The following PTPRN2 variants were observed in gnomAD, a reference collection of about 807,000 sequenced individuals.
PTPRN2 encodes the protein protein tyrosine phosphatase receptor type N2.
A neutral mutation model predicts 118.8 loss-of-function variants in PTPRN2; 74 were observed. The observed-to-expected ratio is 0.62, with a 90% CI of 0.52 to 0.76. The LOEUF is 0.76. Among genes scored for constraint, PTPRN2 ranks in the 30% least tolerant of loss-of-function variants. The pLI, the probability that PTPRN2 is intolerant of heterozygous loss-of-function variation, is 0.00. For missense variants in PTPRN2, 1,481 were observed against 1,394.4 expected, an observed-to-expected ratio of 1.06 and a Z score of -0.99; for synonymous variants, 641 against 608.0, an observed-to-expected ratio of 1.05 and a Z score of -0.80.
chr7:157,829,925 A>G (rs1157192184), intron 12 of PTPRN2, among the ~76,000 whole-genome samples: 1 of 152,176 alleles, frequency 6.6e-6, no homozygotes, highest in Non-Finnish European at 1.5e-5. Context: ...CTGCAGTGGC[A>G]GCTCCACCTG....
In PTPRN2 at chr7:158,319,539, CCTCCCTCACACACACACGGT is replaced by C. The variant is rs1563131821; in HGVS notation, c.164-2627_164-2608del. Among the ~76,000 whole-genome samples, 852 of 90,502 alleles carry C rather than the reference CCTCCCTCACACACACACGGT, an allele frequency of 9.4e-3. 11 individuals are homozygous for C. The highest frequency in any genetic ancestry group is 0.014 in the South Asian group (37 of 2,692). The allele number at this position is 90,502 out of a possible 152,430, so 59.4% of individuals were successfully genotyped here. A position where few individuals can be genotyped will look rare whatever the true frequency, so the allele number is the denominator to read the frequency against. On this transcript the variant is annotated intron_variant, in intron 2 of 22. Coordinates refer to ENST00000389418, the MANE Select transcript of PTPRN2 (RefSeq NM_002847.5). ...CACACAGCCTCCCTCACACACACAG[CCTCCCTCACACACACACGGT>C]CTCCCTCACACACGCACACAGCCTC... is the stretch of plus-strand genomic sequence containing the variant.
In PTPRN2 at chr7:158,376,075, C is replaced by A. The variant is rs111693718; in HGVS notation, c.164-59143G>T. ...ACTGCTAAAAGAGCACTGTAGCACA[C>A]CCACCGCGGCTTTGGGAGTCACAGA... is the stretch of plus-strand genomic sequence containing the variant. On this transcript the variant is annotated intron_variant, in intron 2 of 22. Transcript: ENST00000389418. Among the ~76,000 whole-genome samples the A allele has an allele frequency of 4.6e-5, 7 of 152,190 alleles. 1 individual carries two copies. The highest frequency in any genetic ancestry group is 3.3e-4 in the Admixed American group (5 of 15,282).
At chr7:157,589,281 C>G (rs965878784) in intron 17 of PTPRN2, among the ~76,000 whole-genome samples, 1 of 152,254 alleles carries the variant, frequency 6.6e-6, no homozygotes, top group African/African-American at 2.4e-5. Context: ...AGTGCCTGCC[C>G]AGGGCCTGGC....
At chr7:158,400,341 G>A (rs1160415760) in intron 2 of PTPRN2, among the ~76,000 whole-genome samples, 4 of 152,094 alleles carry the variant, frequency 2.6e-5, no homozygotes, top group African/African-American at 9.7e-5. Context: ...CCCACACTCA[G>A]GCTGGAGCAG....
chr7:158,428,390 G>T (rs1241840474), intron 2 of PTPRN2, among the ~76,000 whole-genome samples: 1 of 152,150 alleles, frequency 6.6e-6, no homozygotes, highest in East Asian at 1.9e-4. Flanking sequence ...TCACCGGGTT[G>T]TCCTTTTAAA....
At chr7:158,087,928 C>A (rs200594291) in intron 10 of PTPRN2, among the ~76,000 whole-genome samples, 17 of 98,086 alleles carry the variant, frequency 1.7e-4, no homozygotes, top group Non-Finnish European at 3.1e-4. Context: ...TCCTTCTTCC[C>A]CTGATGAAAG....
intron 12 of PTPRN2, among the ~76,000 whole-genome samples, chr7:157,852,049 A>G (rs769919046): frequency 2.0e-5 from 3 of 152,196 alleles, no homozygotes; most frequent in Non-Finnish European, 4.4e-5. Context: ...CGACACCTTC[A>G]CGTTATCAGC....
At chr7:157,565,050 T>A (rs1799415270) in intron 21 of PTPRN2, among the ~76,000 whole-genome samples, 1 of 152,210 alleles carries the variant, frequency 6.6e-6, no homozygotes, top group Non-Finnish European at 1.5e-5. Flanking sequence ...CATATAACAG[T>A]CACGGAAGCG....
intron 12 of PTPRN2, among the ~76,000 whole-genome samples, chr7:157,830,676 T>C (rs756658019): frequency 7.2e-5 from 11 of 152,170 alleles, no homozygotes; most frequent in Admixed American, 1.3e-4. Context: ...CCACAGGATA[T>C]CCCACAGGAC....
At chr7:157,695,259 T>C (rs536196607) in intron 12 of PTPRN2, among the ~76,000 whole-genome samples, 2 of 152,172 alleles carry the variant, frequency 1.3e-5, no homozygotes, top group South Asian at 4.2e-4. Context: ...ATGATTATTA[T>C]AAAGCAAAAC....
chr7:157,932,734 G>GACT (rs1799435929), intron 11 of PTPRN2, among the ~76,000 whole-genome samples: 1 of 137,444 alleles, frequency 7.3e-6, no homozygotes. Context: ...TGAGTCACTC[G>GACT]GACAGTTTTA....
intron 6 of PTPRN2, among the ~76,000 whole-genome samples, chr7:158,153,665 G>A (rs1322460688): frequency 1.3e-5 from 2 of 152,220 alleles, no homozygotes; most frequent in Non-Finnish European, 2.9e-5. Context: ...CAGATATGCA[G>A]GGTCTTGCAG....
chr7:158,133,568 G>A (rs1818549201), intron 9 of PTPRN2, 109 bp downstream of exon 9: 1 of 1,427,034 alleles, frequency 7.0e-7, no homozygotes, highest in African/African-American at 1.4e-5. Flanking sequence ...TTCAGTTGAA[G>A]ACACTTAAAA....
intron 11 of PTPRN2, among the ~76,000 whole-genome samples, chr7:158,078,256 T>C (rs996026241): frequency 1.3e-5 from 2 of 152,200 alleles, no homozygotes; most frequent in Non-Finnish European, 2.9e-5. Flanking sequence ...TCTCCCCGCA[T>C]TAATAACAGC....
chr7:158,012,341 C>T (rs1256104897), intron 11 of PTPRN2, among the ~76,000 whole-genome samples: 1 of 152,064 alleles, frequency 6.6e-6, no homozygotes, highest in Admixed American at 6.6e-5. Context: ...GTGAGACTGA[C>T]TCCAGCAAGC....
At chr7:157,898,632 C>G (rs777147670) in intron 12 of PTPRN2, 41 bp downstream of exon 12, 1 of 1,527,526 alleles carries the variant, frequency 6.5e-7, no homozygotes, top group East Asian at 2.2e-5. Context: ...CCAGACAGCA[C>G]TGCAGATCGC....
chr7:158,242,902 A>C (rs187362735), intron 3 of PTPRN2, among the ~76,000 whole-genome samples: 166 of 152,086 alleles, frequency 1.1e-3, no homozygotes, highest in African/African-American at 3.9e-3. Flanking sequence ...TATTTATTTG[A>C]GTCTTCTCTC....
intron 11 of PTPRN2, among the ~76,000 whole-genome samples, chr7:157,927,403 C>T (rs1799078041): frequency 7.8e-6 from 1 of 128,360 alleles, no homozygotes; most frequent in South Asian, 2.5e-4. Flanking sequence ...GCCCCAGGGA[C>T]CCGTCTGAGA....
chr7:158,072,094 C>CAT (rs1811969580), intron 11 of PTPRN2, among the ~76,000 whole-genome samples: 1 of 130,618 alleles, frequency 7.7e-6, no homozygotes, highest in African/African-American at 2.7e-5. Flanking sequence ...TGGAGGTGCT[C>CAT]GTAGTATGGA....
Sources: allele counts gnomAD v4.1 joint callset (sites outside exome capture counted in the v4.1 genomes callset), GRCh38; gene constraint gnomAD v4.1.1; transcripts MANE v1.5; gene names NCBI Gene and HGNC (gene_info 2026-07-23, HGNC 2026-07-21).